The following MMP16 variants were observed in gnomAD, a reference collection of about 807,000 sequenced individuals.
MMP16 encodes matrix metallopeptidase 16.
In MMP16, 12 loss-of-function variants were observed where a neutral mutation model predicts 67.8. The observed-to-expected ratio is 0.18, with a 90% confidence interval of 0.11 to 0.29. The LOEUF is 0.29. Among genes scored for constraint, MMP16 ranks in the 10% least tolerant of loss-of-function variants. The probability of loss-of-function intolerance (pLI) is 1.00; values close to 1 mark genes in which losing one functional copy is unlikely to be tolerated. For missense variants in MMP16, 475 were observed against 765.7 expected, an observed-to-expected ratio of 0.62 and a Z score of 4.48; for synonymous variants, 249 against 255.9, an observed-to-expected ratio of 0.97 and a Z score of 0.26.
intron 1 of MMP16, among the ~76,000 whole-genome samples, chr8:88,315,136 T>C (rs182789402): frequency 2.0e-5 from 3 of 152,330 alleles, no homozygotes; most frequent in Admixed American, 1.3e-4. Context: ...CCTCCGTTTA[T>C]TGCATTTTAC....
intron 1 of MMP16, among the ~76,000 whole-genome samples, chr8:88,237,025 G>A (rs527286591): frequency 6.6e-6 from 1 of 152,208 alleles, no homozygotes; most frequent in Non-Finnish European, 1.5e-5. Context: ...ATTTCTACAG[G>A]TAAAAAAGTT....
At chr8:88,264,039 T>G (rs1382449588) in intron 1 of MMP16, among the ~76,000 whole-genome samples, 1 of 101,450 alleles carries the variant, frequency 9.9e-6, no homozygotes, top group Non-Finnish European at 2.0e-5. Context: ...GGCACATATA[T>G]ATATATATAT....
Position 88,294,332 on chromosome 8 carries a change from CTA to C in MMP16, c.132+32741_132+32742del, listed in dbSNP as rs560333499. ...TATGTATATGTCTATATGTGTATGT[CTA>C]TATATGTGTATATGTATATGTATAT... On this transcript the variant is annotated intron_variant, in intron 1 of 9. Transcript: ENST00000286614. Among the ~76,000 whole-genome samples, 478 of 149,634 alleles carry C rather than the reference CTA, an allele frequency of 3.2e-3. 2 individuals are homozygous for C. Among genetic ancestry groups the C allele is most frequent in the Middle Eastern group, 0.026 (7 of 268 alleles).
chr8:88,267,686 ATGT>A (rs1236721741), intron 1 of MMP16, among the ~76,000 whole-genome samples: 3 of 152,232 alleles, frequency 2.0e-5, no homozygotes, highest in African/African-American at 7.2e-5. Context: ...TGGTGAAATG[ATGT>A]TATTACTAAA....
chr8:88,260,290 G>GT (rs138965905), intron 1 of MMP16, among the ~76,000 whole-genome samples: 35 of 151,856 alleles, frequency 2.3e-4, no homozygotes, highest in South Asian at 4.2e-4. Flanking sequence ...AGGAATACAT[G>GT]TTTTTTTTGT....
intron 3 of MMP16, among the ~76,000 whole-genome samples, chr8:88,169,737 GA>G (rs1808769449): frequency 6.6e-6 from 1 of 152,170 alleles, no homozygotes; most frequent in African/African-American, 2.4e-5. Context: ...CAGGTTCAAA[GA>G]ACAGCAAGGC....
chr8:88,041,619 C>G lies in MMP16; in HGVS notation c.1666G>C (p.Asp556His). Reference sequence around the variant, plus strand: ...GCTTTCACAGTGCTGGCTGTGTTGTCCAGTTTGATGACAATGTCTACATCA... The same window carrying G: ...GCTTTCACAGTGCTGGCTGTGTTGTGCAGTTTGATGACAATGTCTACATCA... ...PDDVDIVIKL[D>H]NTASTVKAIA... Residue 556 changes from aspartate to histidine, a missense_variant, in exon 10 of 10, where the codon GAC becomes CAC. Asp to His is a moderately conservative substitution (Grantham distance 81). Around this residue, in one of 5 missense-constraint regions of MMP16, gnomAD observed 80 missense variants for 93.4 expected, o/e 0.86. Coordinates refer to ENST00000286614, the MANE Select transcript of MMP16 (RefSeq NM_005941.5). This position sits in a 1 kb window ranked among gnomAD's most constrained non-coding sequence, Gnocchi z 6.0. The G allele has an allele frequency of 6.2e-7, 1 of 1,614,096 alleles. No individual in the cohort carries two copies. Among genetic ancestry groups the G allele is most frequent in the Non-Finnish European group, 8.5e-7 (1 of 1,180,012 alleles).
chr8:88,254,290 C>G (rs1443958017), intron 1 of MMP16, among the ~76,000 whole-genome samples: 2 of 152,016 alleles, frequency 1.3e-5, no homozygotes. Context: ...AGGGAAACAA[C>G]TCACACAGGC....
Position 88,261,406 on chromosome 8 carries a change from GA to G in MMP16, c.133-64101del, listed in dbSNP as rs905031690. 2.8e-4 allele frequency among the ~76,000 whole-genome samples: 43 copies of G among 152,036 alleles called. No individual in the cohort carries two copies. The South Asian group carries it at 5.6e-3, about 20-fold the overall frequency. On this transcript the variant is annotated intron_variant, in intron 1 of 9. Transcript: ENST00000286614. ...ATCAGTGCATCAGTTTTATGAGGGG[GA>G]AAAAAATAATCCAACAATTTATAAT...
intron 4 of MMP16, among the ~76,000 whole-genome samples, chr8:88,149,519 CG>C (rs1363480389): frequency 2.6e-5 from 4 of 152,156 alleles, no homozygotes; most frequent in African/African-American, 9.7e-5. Context: ...GATCTGAGAA[CG>C]GGGGGACTGC....
chr8:88,131,455 T>C (rs1440199171), intron 4 of MMP16, among the ~76,000 whole-genome samples: 1 of 151,780 alleles, frequency 6.6e-6, no homozygotes. Context: ...TTTAATAACA[T>C]ACAGCAAGAA....
At chr8:88,196,304 C>T (rs1161496891) in intron 2 of MMP16, among the ~76,000 whole-genome samples, 2 of 152,076 alleles carry the variant, frequency 1.3e-5, no homozygotes, top group Non-Finnish European at 2.9e-5. Flanking sequence ...TTTCCCTCTA[C>T]TGAAAAAAAT....
At chr8:88,310,091 T>C (rs1334000932) in intron 1 of MMP16, among the ~76,000 whole-genome samples, 1 of 152,094 alleles carries the variant, frequency 6.6e-6, no homozygotes, top group Non-Finnish European at 1.5e-5. Context: ...TGCTGTTCAA[T>C]AATAGTAATA....
intron 1 of MMP16, among the ~76,000 whole-genome samples, chr8:88,229,667 A>G (rs1363469396): frequency 6.6e-6 from 1 of 152,014 alleles, no homozygotes; most frequent in East Asian, 1.9e-4. Flanking sequence ...TGAAGGGGCC[A>G]CAGCTATGAC....
chr8:88,152,940 C>T (rs201182848), intron 4 of MMP16, among the ~76,000 whole-genome samples: 1 of 49,604 alleles, frequency 2.0e-5, no homozygotes, highest in Non-Finnish European at 4.2e-5. Flanking sequence ...TGTTTGCAGA[C>T]GACATGATTG....
At chr8:88,124,659 T>C (rs1184531709) in intron 4 of MMP16, among the ~76,000 whole-genome samples, 1 of 152,008 alleles carries the variant, frequency 6.6e-6, no homozygotes, top group Non-Finnish European at 1.5e-5. Flanking sequence ...GTATTTCTTT[T>C]TTCCACTGAA....
chr8:88,148,271 A>AT (rs1808328475), intron 4 of MMP16, among the ~76,000 whole-genome samples: 3 of 152,160 alleles, frequency 2.0e-5, no homozygotes, highest in African/African-American at 7.2e-5. Flanking sequence ...AAGATATCCT[A>AT]TTTTAATATT....
chr8:88,272,538 A>G (rs1810579985), intron 1 of MMP16, among the ~76,000 whole-genome samples: 1 of 152,184 alleles, frequency 6.6e-6, no homozygotes, highest in African/African-American at 2.4e-5. Context: ...AAAAAAGTGA[A>G]ACTAAGAACG....
At chr8:88,075,975 A>ACACACAC (rs55809663) in intron 6 of MMP16, among the ~76,000 whole-genome samples, 2 of 150,678 alleles carry the variant, frequency 1.3e-5, no homozygotes, top group Non-Finnish European at 3.0e-5. Context: ...ACACACACAC[A>ACACACAC]AAATCTACTG....
Sources: gnomAD v4.1 joint callset for allele counts (sites outside exome capture counted in the v4.1 genomes callset) on GRCh38, gnomAD v4.1.1 for gene constraint, gnomAD v4.1.1 regional missense constraint, Gnocchi (gnomAD v3.1) non-coding constraint, MANE v1.5 for transcripts, NCBI Gene and HGNC (gene_info 2026-07-23, HGNC 2026-07-21) for gene names.